Variants in DNAJC1 observed in about 807,000 individuals in gnomAD.
DNAJC1 encodes the protein DnaJ heat shock protein family (Hsp40) member C1.
DNAJC1 carries 58 observed loss-of-function variants against 76.6 expected under a neutral mutation model. The observed-to-expected ratio is 0.76, with a 90% CI of 0.61 to 0.94. DNAJC1 has a LOEUF of 0.94. DNAJC1 is among the 40% of genes least tolerant of loss of function. DNAJC1 has a pLI of 0.00. For missense variants in DNAJC1, 689 were observed against 677.3 expected (o/e 1.02, Z -0.19); for synonymous variants, 258 against 267.9 (o/e 0.96, Z 0.36).
chr10:21,899,816 A>T (rs1361610299), intron 7 of DNAJC1, among the ~76,000 whole-genome samples: 1 of 152,122 alleles, frequency 6.6e-6, no homozygotes, highest in Non-Finnish European at 1.5e-5. Flanking sequence ...GATTCTCCAA[A>T]ACTGGCAGGC....
intron 9 of DNAJC1, among the ~76,000 whole-genome samples, chr10:21,802,168 G>A (rs954963474): frequency 6.6e-6 from 1 of 152,098 alleles, no homozygotes; most frequent in African/African-American, 2.4e-5. Flanking sequence ...GGTAAGAGAA[G>A]GAAGGGAGAG....
chr10:21,786,099 C>T (rs900622361), intron 9 of DNAJC1, among the ~76,000 whole-genome samples: 3 of 151,820 alleles, frequency 2.0e-5, no homozygotes, highest in Admixed American at 6.6e-5. Flanking sequence ...GATACAGGCG[C>T]GTGAGGCAAG....
In DNAJC1 at chr10:21,920,795, T is replaced by C; in HGVS notation, c.537+3A>G. The C allele has an allele frequency of 1.2e-6, 2 of 1,607,260 alleles. No individual in the cohort carries two copies. The highest frequency in any genetic ancestry group is 2.2e-5 in the East Asian group (1 of 44,688). On this transcript the variant is annotated splice_donor_region_variant and intron_variant, in intron 4 of 11. Coordinates refer to ENST00000376980, the MANE Select transcript of DNAJC1 (RefSeq NM_022365.4). ...GTTCATTTGATTTATTACTAACACT[T>C]ACCAGTTGTTTTTCCAGGTAGATTG...
Position 21,988,136 on chromosome 10 carries a change from T to A in DNAJC1, c.222+15077A>T, listed in dbSNP as rs563770657. On this transcript the variant is annotated intron_variant, in intron 1 of 11. Transcript: ENST00000376980. Reference sequence around the variant, plus strand: ...TAATACTGTAAAAAGAACTAATGAATTAACAAACATGAAAAGCAGGCTTTA... The same window carrying A: ...TAATACTGTAAAAAGAACTAATGAAATAACAAACATGAAAAGCAGGCTTTA... 3.1e-3 allele frequency among the ~76,000 whole-genome samples: 470 copies of A among 152,260 alleles called. 3 individuals carry two copies. The highest frequency in any genetic ancestry group is 0.011 in the African/African-American group (451 of 41,554).
intron 8 of DNAJC1, among the ~76,000 whole-genome samples, chr10:21,836,541 TAA>T (rs1298434406): frequency 6.6e-6 from 1 of 152,054 alleles, no homozygotes; most frequent in African/African-American, 2.4e-5. Context: ...GCAAATTGGA[TAA>T]AGAGTCAAGA....
At chr10:21,828,023 CA>C (rs1199331194) in intron 8 of DNAJC1, among the ~76,000 whole-genome samples, 1 of 152,164 alleles carries the variant, frequency 6.6e-6, no homozygotes, top group African/African-American at 2.4e-5. Flanking sequence ...AATTACTCTC[CA>C]AAGGAATTTT....
chr10:21,808,099 C>A (rs1357214478), intron 8 of DNAJC1, among the ~76,000 whole-genome samples: 1 of 152,092 alleles, frequency 6.6e-6, no homozygotes, highest in Admixed American at 6.6e-5. Context: ...TGAAGTTGAT[C>A]ATTGCATAAA....
At chr10:21,871,426 C>A (rs1257403401) in intron 8 of DNAJC1, among the ~76,000 whole-genome samples, 3 of 151,338 alleles carry the variant, frequency 2.0e-5, no homozygotes, top group Non-Finnish European at 4.4e-5. Context: ...TGCTTCCAGG[C>A]ATTTATGAAA....
At chr10:21,863,688 G>A (rs1309693122) in intron 8 of DNAJC1, among the ~76,000 whole-genome samples, 1 of 151,944 alleles carries the variant, frequency 6.6e-6, no homozygotes, top group Admixed American at 6.6e-5. Flanking sequence ...GTCTGGTTTA[G>A]GATTTTAAAA....
At chr10:21,780,904 T>G (rs1438635865) in intron 9 of DNAJC1, among the ~76,000 whole-genome samples, 1 of 152,158 alleles carries the variant, frequency 6.6e-6, no homozygotes, top group African/African-American at 2.4e-5. Context: ...GAGGAAGATC[T>G]ACCAAGCAAA....
chr10:21,851,996 T>C (rs1477881721), intron 8 of DNAJC1, among the ~76,000 whole-genome samples: 1 of 151,126 alleles, frequency 6.6e-6, no homozygotes, highest in Non-Finnish European at 1.5e-5. Context: ...GAGCTTGCAG[T>C]GAGCCGAGAT....
chr10:21,961,474 A>T (rs572370547), intron 1 of DNAJC1, among the ~76,000 whole-genome samples: 1 of 152,048 alleles, frequency 6.6e-6, no homozygotes, highest in African/African-American at 2.4e-5. Context: ...GCCAGATACA[A>T]AAGGACAAAT....
chr10:21,810,517 T>C (rs1314401150), intron 8 of DNAJC1, among the ~76,000 whole-genome samples: 2 of 152,220 alleles, frequency 1.3e-5, no homozygotes. Context: ...TATCCCATAG[T>C]GGTCATGGAC....
At chr10:21,949,313 T>C (rs988116754) in intron 1 of DNAJC1, among the ~76,000 whole-genome samples, 4 of 152,042 alleles carry the variant, frequency 2.6e-5, no homozygotes, top group Admixed American at 1.3e-4. Context: ...TTTTGAGTCA[T>C]TTCCAGAACT....
At chr10:21,997,652 G>T (rs1461929978) in intron 1 of DNAJC1, among the ~76,000 whole-genome samples, 2 of 152,196 alleles carry the variant, frequency 1.3e-5, no homozygotes, top group Non-Finnish European at 2.9e-5. Flanking sequence ...GGGCACGGAT[G>T]AATGGGCAAT....
At chr10:21,780,158 T>G (rs1834508170) in intron 9 of DNAJC1, among the ~76,000 whole-genome samples, 1 of 152,218 alleles carries the variant, frequency 6.6e-6, no homozygotes, top group Non-Finnish European at 1.5e-5. Context: ...GGAACCAAGT[T>G]GGAAAACACT....
At chr10:21,954,133 G>A (rs1837642796) in intron 1 of DNAJC1, among the ~76,000 whole-genome samples, 6 of 152,044 alleles carry the variant, frequency 3.9e-5, no homozygotes, top group Admixed American at 3.9e-4. Context: ...ACTCCACTGA[G>A]AGGAATAGCG....
intron 1 of DNAJC1, among the ~76,000 whole-genome samples, chr10:21,964,457 C>T (rs1837854858): frequency 6.6e-6 from 1 of 152,170 alleles, no homozygotes; most frequent in Non-Finnish European, 1.5e-5. Context: ...AGCCATCTGC[C>T]AGCCTTGGTC....
At chr10:21,929,863 G>C (rs1461846155) in intron 1 of DNAJC1, among the ~76,000 whole-genome samples, 4 of 152,088 alleles carry the variant, frequency 2.6e-5, no homozygotes, top group African/African-American at 9.7e-5. Context: ...TAGATTAAGT[G>C]GATATTAAAA....
Sources: allele counts gnomAD v4.1 joint callset (sites outside exome capture counted in the v4.1 genomes callset), GRCh38; gene constraint gnomAD v4.1.1; transcripts MANE v1.5; gene names NCBI Gene and HGNC (gene_info 2026-07-23, HGNC 2026-07-21).